BRSK2: variants seen among roughly 807,000 people sequenced by gnomAD.
BRSK2 encodes serine/threonine-protein kinase BRSK2.
Under a neutral mutation model 83.3 loss-of-function variants are expected in BRSK2, and 19 were observed. The observed-to-expected ratio is 0.23, with a 90% confidence interval of 0.16 to 0.33. BRSK2 has a LOEUF of 0.33. Among genes scored for constraint, BRSK2 ranks in the 10% least tolerant of loss-of-function variants. The pLI, the probability that BRSK2 is intolerant of heterozygous loss-of-function variation, is 1.00. For missense variants in BRSK2, 798 were observed against 1,042.3 expected, an observed-to-expected ratio of 0.77 and a Z score of 3.23; for synonymous variants, 519 against 435.4, an observed-to-expected ratio of 1.19 and a Z score of -2.39.
rs530356801 is a variant in BRSK2 at position 1,461,132 on chromosome 11, C to T, written c.*409C>T. On this transcript the variant is annotated 3_prime_UTR_variant, in exon 20 of 20. Coordinates refer to ENST00000528841, the MANE Select transcript of BRSK2 (RefSeq NM_001256627.2). ...CCGCGGCAGCTCCTCGCCTCAGCTC[C>T]GCACGGCCCGTGGGAGGAAGGCCAG... 4.6e-5 allele frequency: 58 copies of T among 1,272,592 alleles called. No homozygotes were observed. The highest frequency in any genetic ancestry group is 5.4e-5 in the Non-Finnish European group (50 of 929,732). 78.8% of individuals were successfully genotyped at this position (1,272,592 alleles called of 1,614,324 possible).
intron 1 of BRSK2, among the ~76,000 whole-genome samples, chr11:1,391,060 C>T (rs1453019907): frequency 2.0e-5 from 3 of 152,316 alleles, no homozygotes; most frequent in East Asian, 3.9e-4. Flanking sequence ...GTGGAGGGGG[C>T]TTCCCGGTGG....
intron 1 of BRSK2, among the ~76,000 whole-genome samples, chr11:1,424,898 C>T (rs959461861): frequency 1.1e-4 from 17 of 152,192 alleles, no homozygotes; most frequent in East Asian, 1.9e-4. Flanking sequence ...ACACACAGCA[C>T]CTCGTGGGCC....
chr11:1,424,026 T>A (rs951885953), intron 1 of BRSK2, among the ~76,000 whole-genome samples: 1 of 152,078 alleles, frequency 6.6e-6, no homozygotes, highest in African/African-American at 2.4e-5. Context: ...TATATTGAGA[T>A]CCATAACTTA....
rs199610376 is a variant in BRSK2, at chr11:1,436,092, G to A, written c.144G>A (p.Lys48=). 30 of 1,582,732 alleles carry A rather than the reference G, an allele frequency of 1.9e-5. No individual in the cohort carries two copies. Among genetic ancestry groups the A allele is most frequent in the African/African-American group, 9.6e-5 (7 of 73,144 alleles). ...TCACCTGCCAGAAGGTGGCCATCAA[G>A]ATCGTCAACCGTGAGAAGCTCAGCG... ...HCVTCQKVAI[K]IVNREKLSES... The change falls in exon 2 of 20, where the codon AAG becomes AAA. Residue 48 remains lysine (K), a synonymous_variant. Coordinates refer to ENST00000528841, the MANE Select transcript of BRSK2 (RefSeq NM_001256627.2).
chr11:1,444,898 TC>T, intron 8 of BRSK2, 72 bp from the exon 9 acceptor site: 16 of 1,449,898 alleles, frequency 1.1e-5, no homozygotes, highest in Non-Finnish European at 1.4e-5. Flanking sequence ...GCCCCTGCCT[TC>T]CCCCTCACCT....
intron 1 of BRSK2, among the ~76,000 whole-genome samples, chr11:1,426,600 G>A (rs542273095): frequency 5.9e-5 from 9 of 152,230 alleles, no homozygotes; most frequent in South Asian, 2.1e-4. Flanking sequence ...AAGGTGCCGC[G>A]TGTCTTCTCT....
At chr11:1,444,678 C>T (rs1432698129) in intron 8 of BRSK2, among the ~76,000 whole-genome samples, 5 of 151,380 alleles carry the variant, frequency 3.3e-5, no homozygotes, top group Non-Finnish European at 7.4e-5. Context: ...GCTCCCCAGG[C>T]CCCTGCCCCT....
In BRSK2 at chr11:1,446,901, G is replaced by A. The variant is rs537640358; in HGVS notation, c.1226+994G>A. Among the ~76,000 whole-genome samples the A allele has an allele frequency of 2.6e-5, 4 of 152,266 alleles. No homozygotes were observed. The East Asian group carries it at 5.8e-4, about 22-fold the overall frequency. On this transcript the variant is annotated intron_variant, in intron 12 of 19. Transcript: ENST00000528841. The stretch of plus-strand genomic sequence containing the variant: ...GCCCCCTCCTTGTACTGGAGATGTG[G>A]GGGGTGGGACAGGCGTGGCCTGTTC...
At chr11:1,442,925 G>A (rs1172161553) in intron 5 of BRSK2, among the ~76,000 whole-genome samples, 181 bp from the exon 6 acceptor site, 1 of 152,148 alleles carries the variant, frequency 6.6e-6, no homozygotes, top group Non-Finnish European at 1.5e-5. Flanking sequence ...GGGCGCAGCA[G>A]AGACCCAGTG....
chr11:1,412,625 G>A (rs537407495), intron 1 of BRSK2, among the ~76,000 whole-genome samples: 9 of 152,342 alleles, frequency 5.9e-5, no homozygotes, highest in African/African-American at 1.7e-4. Flanking sequence ...GGGTTGCGGG[G>A]AGGGCGTCCA....
intron 1 of BRSK2, among the ~76,000 whole-genome samples, chr11:1,413,440 T>C (rs535574812): frequency 6.6e-6 from 1 of 152,252 alleles, no homozygotes; most frequent in Non-Finnish European, 1.5e-5. Flanking sequence ...GAGCTGTCTC[T>C]GTCCAGCCCT....
intron 1 of BRSK2, among the ~76,000 whole-genome samples, chr11:1,400,800 G>A (rs966451849): frequency 2.4e-4 from 37 of 152,252 alleles, no homozygotes; most frequent in African/African-American, 8.7e-4. Flanking sequence ...GGCACTGGGA[G>A]GGGTGCAGAT....
intron 18 of BRSK2, among the ~76,000 whole-genome samples, chr11:1,458,430 T>C (rs1846924892): frequency 6.6e-6 from 1 of 152,036 alleles, no homozygotes; most frequent in Non-Finnish European, 1.5e-5. Flanking sequence ...ATCCCCGTGA[T>C]CTCGCTACGC....
chr11:1,450,935 T>C, intron 14 of BRSK2, 141 bp downstream of exon 14: 1 of 785,216 alleles, frequency 1.3e-6, no homozygotes. Flanking sequence ...CGTCTCACTG[T>C]CCCGAAAGCG....
At chr11:1,419,528 T>C (rs180801432) in intron 1 of BRSK2, among the ~76,000 whole-genome samples, 32 of 152,254 alleles carry the variant, frequency 2.1e-4, no homozygotes, top group African/African-American at 7.2e-4. Flanking sequence ...AGCTTTTTTT[T>C]GTTTCTTAGT....
At chr11:1,425,312 C>T (rs970617137) in intron 1 of BRSK2, among the ~76,000 whole-genome samples, 4 of 152,174 alleles carry the variant, frequency 2.6e-5, no homozygotes, top group Non-Finnish European at 1.5e-5. Context: ...CCTGGGGGGT[C>T]CCGCAGGCTG....
At chr11:1,452,860 G>A (rs1202743854) in intron 15 of BRSK2, among the ~76,000 whole-genome samples, 2 of 152,228 alleles carry the variant, frequency 1.3e-5, no homozygotes, top group African/African-American at 2.4e-5. Flanking sequence ...GCGACAACTC[G>A]CTTGCTGGGG....
intron 15 of BRSK2, 138 bp downstream of exon 15, chr11:1,451,557 C>G: frequency 3.4e-6 from 3 of 889,552 alleles, no homozygotes; most frequent in Non-Finnish European, 5.4e-6. Context: ...AGGCCCGTCT[C>G]GGCCACTGAG....
intron 11 of BRSK2, 30 bp downstream of exon 11, chr11:1,445,698 G>C (rs1193813992): frequency 6.2e-7 from 1 of 1,611,478 alleles, no homozygotes; most frequent in Admixed American, 1.7e-5. Context: ...CTCCAGCCCG[G>C]CCTGCACTGC....
Sources: allele counts gnomAD v4.1 joint callset (sites outside exome capture counted in the v4.1 genomes callset), GRCh38; gene constraint gnomAD v4.1.1; transcripts MANE v1.5; gene names NCBI Gene and HGNC (gene_info 2026-07-23, HGNC 2026-07-21).